Variants in SPECC1 observed in about 807,000 individuals in gnomAD.
SPECC1 encodes the protein cytospin-B.
Under a neutral mutation model 104.1 loss-of-function variants are expected in SPECC1, and 62 were observed. The observed-to-expected ratio is 0.60, with a 90% CI of 0.49 to 0.74. The LOEUF is 0.74. Among genes scored for constraint, SPECC1 ranks in the 30% least tolerant of loss-of-function variants. The probability of loss-of-function intolerance (pLI) is 0.00; values close to 1 mark genes in which losing one functional copy is unlikely to be tolerated. For missense variants in SPECC1, 1,306 were observed against 1,310.5 expected, an observed-to-expected ratio of 1.00 and a Z score of 0.05; for synonymous variants, 513 against 501.6, an observed-to-expected ratio of 1.02 and a Z score of -0.30.
intron 12 of SPECC1, among the ~76,000 whole-genome samples, chr17:20,262,157 C>A (rs2040049534): frequency 6.6e-6 from 1 of 152,174 alleles, no homozygotes; most frequent in Non-Finnish European, 1.5e-5. Context: ...TCATTTTCTT[C>A]ACCATTTAGT....
At chr17:20,172,436 T>G (rs1477664597) in intron 3 of SPECC1, among the ~76,000 whole-genome samples, 1 of 152,228 alleles carries the variant, frequency 6.6e-6, no homozygotes, top group Non-Finnish European at 1.5e-5. Context: ...CAGGTCTCAG[T>G]CCAGTGTCAC....
At chr17:20,105,597 A>C (rs9900942) in intron 2 of SPECC1, among the ~76,000 whole-genome samples, 4,281 of 152,226 alleles carry the variant, frequency 0.028, 204 homozygotes, top group African/African-American at 0.096. Context: ...TCCTCACCAG[A>C]GACCCCCCAG....
intron 3 of SPECC1, among the ~76,000 whole-genome samples, chr17:20,157,005 A>G (rs2032636238): frequency 6.6e-6 from 1 of 152,088 alleles, no homozygotes; most frequent in Non-Finnish European, 1.5e-5. Flanking sequence ...GGCCGGTGAC[A>G]GGTATGTGTT....
intron 1 of SPECC1, among the ~76,000 whole-genome samples, chr17:20,016,888 T>C (rs1398662173): frequency 6.6e-6 from 1 of 152,242 alleles, no homozygotes; most frequent in Non-Finnish European, 1.5e-5. Flanking sequence ...GCTGGGCTCC[T>C]GAGTCTGGTG....
Position 20,179,315 on chromosome 17 carries a change from G to A in SPECC1, c.284-25018G>A, listed in dbSNP as rs150583135. ...GTCTACAGTGAGTGCCTTGGCCACT[G>A]CTTTCTGGGATCTTGATCTTGCTGC... On this transcript the variant is annotated intron_variant, in intron 3 of 14. Transcript: ENST00000395527. 6.8e-3 allele frequency among the ~76,000 whole-genome samples: 1,029 copies of A among 152,384 alleles called. 11 individuals are homozygous for A. Among genetic ancestry groups the A allele is most frequent in the African/African-American group, 0.024 (980 of 41,596 alleles).
chr17:20,277,230 G>A (rs552841534), intron 12 of SPECC1, among the ~76,000 whole-genome samples: 1 of 152,266 alleles, frequency 6.6e-6, no homozygotes, highest in African/African-American at 2.4e-5. Context: ...GCATGACTGA[G>A]CCTCACGGTA....
intron 10 of SPECC1, among the ~76,000 whole-genome samples, chr17:20,256,967 G>GT (rs1455385922): frequency 6.6e-6 from 1 of 152,212 alleles, no homozygotes; most frequent in Non-Finnish European, 1.5e-5. Context: ...CCTACTTCTT[G>GT]TTTAGCAAGC....
In SPECC1 at chr17:20,205,965, G is replaced by A. The variant is rs559266951; in HGVS notation, c.1863+53G>A. On this transcript the variant is annotated intron_variant, in intron 4 of 14. Coordinates refer to ENST00000395527, the MANE Select transcript of SPECC1 (RefSeq NM_001243439.2). ...TTTGCTCATCCTTGTTCACATTTCT[G>A]CCCTTAACCTCTAAATTCACAGAGC... 49 of 1,541,930 alleles carry A rather than the reference G, an allele frequency of 3.2e-5. 1 individual carries two copies. In the South Asian group the frequency reaches 5.9e-4, roughly 18 times the overall value.
At position 20,314,149 on chromosome 17, in the gene SPECC1, C is replaced by G; in HGVS notation, c.*84C>G. 8.6e-7 allele frequency: 1 copy of G among 1,158,306 alleles called. No homozygotes were observed. Among genetic ancestry groups the G allele is most frequent in the South Asian group, 1.3e-5 (1 of 76,574 alleles). The allele number at this position is 1,158,306 out of a possible 1,614,324, so 71.8% of individuals were successfully genotyped here. A position where few individuals can be genotyped will look rare whatever the true frequency, so the allele number is the denominator to read the frequency against. On this transcript the variant is annotated 3_prime_UTR_variant, in exon 15 of 15. Transcript: ENST00000395527. Reference sequence around the variant, plus strand: ...CTGATTACTGTCCACTGACCCTGCTCTGCCCACCACCCAGCTGCCTAGACT... The same window carrying G: ...CTGATTACTGTCCACTGACCCTGCTGTGCCCACCACCCAGCTGCCTAGACT...
intron 3 of SPECC1, among the ~76,000 whole-genome samples, chr17:20,134,595 G>C (rs948382449): frequency 6.6e-6 from 1 of 152,114 alleles, no homozygotes; most frequent in Admixed American, 6.5e-5. Flanking sequence ...GTTGAGAAAG[G>C]TACTTCTTAT....
At position 20,183,303 on chromosome 17, in the gene SPECC1, C is replaced by T. The variant is rs543506652; in HGVS notation, c.284-21030C>T. Among the ~76,000 whole-genome samples the T allele has an allele frequency of 8.5e-5, 13 of 152,212 alleles. No homozygotes were observed. The South Asian group carries it at 2.1e-3, about 24-fold the overall frequency. On this transcript the variant is annotated intron_variant, in intron 3 of 14. Transcript: ENST00000395527. ...TTGCAATCTTTTTTATAAAGCAATC[C>T]GGCAATAATTTTGAGATTGAAAATA...
intron 3 of SPECC1, among the ~76,000 whole-genome samples, chr17:20,134,546 T>A (rs1405809293): frequency 6.6e-6 from 1 of 152,158 alleles, no homozygotes; most frequent in African/African-American, 2.4e-5. Flanking sequence ...TACTTCTAGT[T>A]GTTTGCATTA....
intron 9 of SPECC1, among the ~76,000 whole-genome samples, chr17:20,252,168 TA>T (rs1047517632): frequency 1.3e-5 from 2 of 151,926 alleles, no homozygotes. Context: ...TAAATGGCAG[TA>T]AAAAAAATAC....
At chr17:20,298,775 G>T (rs1197120829) in intron 13 of SPECC1, among the ~76,000 whole-genome samples, 1 of 151,982 alleles carries the variant, frequency 6.6e-6, no homozygotes, top group Non-Finnish European at 1.5e-5. Flanking sequence ...GAGATGGGGA[G>T]GGCATAGATA....
intron 1 of SPECC1, among the ~76,000 whole-genome samples, chr17:20,079,456 T>A (rs1321957409): frequency 2.0e-5 from 3 of 152,170 alleles, no homozygotes; most frequent in Admixed American, 6.5e-5. Flanking sequence ...TGCACCACCG[T>A]GCCTGGCTAA....
At chr17:20,023,400 A>G (rs920186577) in intron 1 of SPECC1, among the ~76,000 whole-genome samples, 1 of 152,160 alleles carries the variant, frequency 6.6e-6, no homozygotes, top group African/African-American at 2.4e-5. Context: ...CTGAGATTAT[A>G]GTGATGGACA....
chr17:20,253,386 G>A (rs2039702988), intron 9 of SPECC1, 119 bp from the exon 10 acceptor site: 3 of 897,606 alleles, frequency 3.3e-6, no homozygotes, highest in African/African-American at 3.4e-5. Flanking sequence ...AAACTCCCCT[G>A]GTTATTCCAC....
At chr17:20,228,609 G>T (rs1049231406) in intron 5 of SPECC1, among the ~76,000 whole-genome samples, 5 of 152,200 alleles carry the variant, frequency 3.3e-5, no homozygotes, top group African/African-American at 7.2e-5. Context: ...TATCAGAGTG[G>T]ATGAACAATG....
chr17:20,119,691 G>A (rs2048932326), intron 3 of SPECC1, among the ~76,000 whole-genome samples: 1 of 152,238 alleles, frequency 6.6e-6, no homozygotes, highest in African/African-American at 2.4e-5. Flanking sequence ...GTGGTATGCA[G>A]TGCCTGTCTG....
Sources: gnomAD v4.1 joint callset for allele counts (sites outside exome capture counted in the v4.1 genomes callset) on GRCh38, gnomAD v4.1.1 for gene constraint, MANE v1.5 for transcripts, NCBI Gene and HGNC (gene_info 2026-07-23, HGNC 2026-07-21) for gene names.